Variants in CALCRL observed in about 807,000 individuals in gnomAD.
The protein encoded by CALCRL is calcitonin gene-related peptide type 1 receptor.
In CALCRL, 27 loss-of-function variants were observed where a neutral mutation model predicts 60.4. The ratio of observed to expected loss-of-function variants is 0.45; its 90% CI spans 0.33 to 0.62. The LOEUF (loss-of-function observed/expected upper bound fraction) is 0.62, where lower values mean the gene tolerates loss of function less well. Ranked by LOEUF, CALCRL falls within the 20% of genes least tolerant of loss-of-function variation. The pLI is 0.03. For synonymous variants in CALCRL, 190 were observed against 182.6 expected (o/e 1.04, Z -0.33); for missense variants, 424 against 540.7 (o/e 0.78, Z 2.14).
chr2:187,427,834 G>C (rs1690214063), intron 1 of CALCRL, among the ~76,000 whole-genome samples: 1 of 152,152 alleles, frequency 6.6e-6, no homozygotes, highest in South Asian at 2.1e-4. Flanking sequence ...AAGTCAAAAA[G>C]AGAGAGGCCA....
chr2:187,445,900 C>T (rs1691157267), intron 1 of CALCRL, among the ~76,000 whole-genome samples: 1 of 151,258 alleles, frequency 6.6e-6, no homozygotes, highest in South Asian at 2.1e-4. Flanking sequence ...AAATTACAGA[C>T]CCAGTATTAT....
chr2:187,366,918 CCCCACACACACACACACACACA>C (rs769067649), intron 8 of CALCRL, among the ~76,000 whole-genome samples: 3 of 84,506 alleles, frequency 3.6e-5, no homozygotes, highest in South Asian at 3.8e-4. Flanking sequence ...GTGAGTATAA[CCCCACACACACACACACACACA>C]CACACACACA....
chr2:187,367,663 A>AT (rs1687355061), intron 8 of CALCRL, among the ~76,000 whole-genome samples: 2 of 152,098 alleles, frequency 1.3e-5, no homozygotes, highest in South Asian at 4.1e-4. Context: ...ATTCTTAAAT[A>AT]TTCTTATTTT....
chr2:187,349,136 C>T (rs1052738645), intron 14 of CALCRL, among the ~76,000 whole-genome samples: 2 of 151,682 alleles, frequency 1.3e-5, no homozygotes, highest in East Asian at 3.9e-4. Context: ...AAACTTTTTG[C>T]TCATCTTATG....
intron 1 of CALCRL, among the ~76,000 whole-genome samples, chr2:187,397,336 A>G (rs746640750): frequency 6.6e-6 from 1 of 151,602 alleles, no homozygotes; most frequent in Non-Finnish European, 1.5e-5. Flanking sequence ...GAAAATATCA[A>G]ATAAAGTGAA....
intron 8 of CALCRL, among the ~76,000 whole-genome samples, chr2:187,365,405 G>C (rs1687234945): frequency 1.3e-5 from 2 of 152,126 alleles, no homozygotes; most frequent in African/African-American, 2.4e-5. Flanking sequence ...TGTTTAGAGA[G>C]AGGAACTGCT....
Position 187,359,283 on chromosome 2 carries a change from A to G in CALCRL, c.782-11T>C. 1.8e-6 allele frequency: 2 copies of G among 1,126,336 alleles called. No homozygotes were observed. The highest frequency in any genetic ancestry group is 2.4e-6 in the Non-Finnish European group (2 of 836,418). The allele number at this position is 1,126,336 out of a possible 1,614,324, so 69.8% of individuals were successfully genotyped here. On this transcript the variant is annotated splice_polypyrimidine_tract_variant and intron_variant, in intron 10 of 14. Coordinates refer to ENST00000392370, the MANE Select transcript of CALCRL (RefSeq NM_005795.6). ...GAATCAGTGGAAATCCTGTAATAACAAAAAAAAAAGAAAATAAATAGGCAT... is the reference window on the plus strand; with the variant it reads ...GAATCAGTGGAAATCCTGTAATAACGAAAAAAAAAGAAAATAAATAGGCAT...
chr2:187,353,764 AATG>A (rs1383774159), intron 12 of CALCRL, among the ~76,000 whole-genome samples: 2 of 151,986 alleles, frequency 1.3e-5, no homozygotes, highest in African/African-American at 4.8e-5. Flanking sequence ...AAAAGATAAT[AATG>A]CTCTTTTATC....
chr2:187,367,839 A>T (rs1687362835), intron 8 of CALCRL, among the ~76,000 whole-genome samples: 1 of 152,070 alleles, frequency 6.6e-6, no homozygotes, highest in Non-Finnish European at 1.5e-5. Context: ...TTTACATATA[A>T]TTATTTTAAA....
intron 1 of CALCRL, among the ~76,000 whole-genome samples, chr2:187,414,444 G>GGCA (rs1303512154): frequency 6.6e-6 from 1 of 152,086 alleles, no homozygotes; most frequent in African/African-American, 2.4e-5. Context: ...TCTTAATGTA[G>GGCA]GCAGCAGCAT....
At chr2:187,432,508 C>A (rs913435704) in intron 1 of CALCRL, among the ~76,000 whole-genome samples, 133 of 152,086 alleles carry the variant, frequency 8.7e-4, no homozygotes, top group African/African-American at 3.0e-3. Context: ...AAAATGTAAA[C>A]CCTCAAAAAT....
intron 1 of CALCRL, among the ~76,000 whole-genome samples, chr2:187,442,268 G>A (rs1690956164): frequency 6.6e-6 from 1 of 150,802 alleles, no homozygotes; most frequent in Non-Finnish European, 1.5e-5. Flanking sequence ...CAACATGGGT[G>A]TTTAAACTGA....
At chr2:187,445,350 C>T (rs1007208319) in intron 1 of CALCRL, among the ~76,000 whole-genome samples, 2 of 151,372 alleles carry the variant, frequency 1.3e-5, no homozygotes, top group African/African-American at 2.4e-5. Context: ...TGTGAAAAGT[C>T]GATACTGTAA....
intron 1 of CALCRL, among the ~76,000 whole-genome samples, chr2:187,399,281 G>C (rs1025584972): frequency 5.3e-5 from 8 of 151,546 alleles, no homozygotes; most frequent in South Asian, 2.1e-4. Context: ...TACATCTACG[G>C]AGTAATTTTT....
At chr2:187,359,373 G>T in intron 10 of CALCRL, 101 bp from the exon 11 acceptor site, 3 of 760,830 alleles carry the variant, frequency 3.9e-6, no homozygotes, top group Non-Finnish European at 6.2e-6. Context: ...TACTCTAGGA[G>T]CAAAAAAACT....
intron 1 of CALCRL, among the ~76,000 whole-genome samples, chr2:187,446,132 T>C (rs555184328): frequency 4.8e-4 from 73 of 151,798 alleles, no homozygotes; most frequent in African/African-American, 1.7e-3. Flanking sequence ...AATTCTATGT[T>C]TCATTTTACA....
Position 187,352,099 on chromosome 2 carries a change from T to G in CALCRL, c.1128+15A>C. 6.2e-7 allele frequency: 1 copy of G among 1,606,028 alleles called. No individual in the cohort carries two copies. Among genetic ancestry groups the G allele is most frequent in the Non-Finnish European group, 8.5e-7 (1 of 1,173,188 alleles). ...CCAAACTTCTCAAGCTGCCTTCTTATCAAGAATGCCATACCTGGAAGTGCA... is the reference window on the plus strand; with the variant it reads ...CCAAACTTCTCAAGCTGCCTTCTTAGCAAGAATGCCATACCTGGAAGTGCA... On this transcript the variant is annotated intron_variant, in intron 13 of 14. Coordinates refer to ENST00000392370, the MANE Select transcript of CALCRL (RefSeq NM_005795.6).
intron 8 of CALCRL, among the ~76,000 whole-genome samples, chr2:187,375,914 A>G (rs1432468227): frequency 6.6e-6 from 1 of 152,226 alleles, no homozygotes; most frequent in Admixed American, 6.5e-5. Flanking sequence ...ATACAGATAT[A>G]AAAATATTGA....
chr2:187,399,545 A>C (rs185402317), intron 1 of CALCRL, among the ~76,000 whole-genome samples: 6 of 151,750 alleles, frequency 4.0e-5, no homozygotes, highest in Admixed American at 4.0e-4. Flanking sequence ...TACTATCAAG[A>C]AAATGAAGAG....
Sources: gnomAD v4.1 joint callset for allele counts (sites outside exome capture counted in the v4.1 genomes callset) on GRCh38, gnomAD v4.1.1 for gene constraint, MANE v1.5 for transcripts, NCBI Gene and HGNC (gene_info 2026-07-23, HGNC 2026-07-21) for gene names.